Variants in LRRC4C observed in about 807,000 individuals in gnomAD.
LRRC4C encodes leucine rich repeat containing 4C.
In LRRC4C, 5 loss-of-function variants were observed where a neutral mutation model predicts 33.6. That is an observed-to-expected ratio of 0.15 (90% CI 0.08 to 0.31). The LOEUF is 0.31. Ranked by LOEUF, LRRC4C falls within the 10% of genes least tolerant of loss-of-function variation. The pLI, the probability that LRRC4C is intolerant of heterozygous loss-of-function variation, is 1.00. For synonymous variants in LRRC4C, 329 were observed against 302.0 expected, an observed-to-expected ratio of 1.09 and a Z score of -0.93; for missense variants, 560 against 796.7, an observed-to-expected ratio of 0.70 and a Z score of 3.58.
At chr11:40,809,157 A>T (rs1951375727) in intron 2 of LRRC4C, among the ~76,000 whole-genome samples, 1 of 152,128 alleles carries the variant, frequency 6.6e-6, no homozygotes, top group Non-Finnish European at 1.5e-5. Flanking sequence ...TTACAGTAAA[A>T]CTTCTCAAAA....
At chr11:40,653,929 C>T (rs2136167603) in intron 2 of LRRC4C, among the ~76,000 whole-genome samples, 1 of 152,288 alleles carries the variant, frequency 6.6e-6, no homozygotes, top group Admixed American at 6.5e-5. Context: ...TCCAGCTGAA[C>T]ATTTTTAAAT....
intron 1 of LRRC4C, among the ~76,000 whole-genome samples, chr11:40,987,588 TCTA>T (rs1853106999): frequency 6.8e-6 from 1 of 147,862 alleles, no homozygotes; most frequent in African/African-American, 2.5e-5. Flanking sequence ...TAACTGGTCA[TCTA>T]CTGCTGAGAG....
At chr11:40,519,579 C>T (rs139168612) in intron 3 of LRRC4C, among the ~76,000 whole-genome samples, 3 of 152,190 alleles carry the variant, frequency 2.0e-5, no homozygotes, top group African/African-American at 4.8e-5. Flanking sequence ...TTTGTCTTAA[C>T]GGAATGTTGT....
chr11:40,969,567 C>G (rs1007874351), intron 1 of LRRC4C, among the ~76,000 whole-genome samples: 1 of 152,010 alleles, frequency 6.6e-6, no homozygotes, highest in Non-Finnish European at 1.5e-5. Flanking sequence ...ACCTTCAGCA[C>G]TCACCACCCT....
intron 1 of LRRC4C, among the ~76,000 whole-genome samples, chr11:41,204,638 G>A (rs886996058): frequency 3.9e-5 from 6 of 152,088 alleles, no homozygotes; most frequent in Non-Finnish European, 5.9e-5. Flanking sequence ...TTCATTCTGT[G>A]CTTAATCTTT....
At chr11:40,179,146 G>A (rs1023792359) in intron 5 of LRRC4C, among the ~76,000 whole-genome samples, 4 of 151,790 alleles carry the variant, frequency 2.6e-5, no homozygotes, top group Non-Finnish European at 5.9e-5. Flanking sequence ...CTAGAACTGC[G>A]GGTGTGTGCC....
chr11:40,410,338 T>C (rs983598756), intron 3 of LRRC4C, among the ~76,000 whole-genome samples: 3 of 152,120 alleles, frequency 2.0e-5, no homozygotes, highest in African/African-American at 7.2e-5. Flanking sequence ...AAATTATACA[T>C]AAAATATTTT....
intron 2 of LRRC4C, among the ~76,000 whole-genome samples, chr11:40,722,835 T>C (rs944840455): frequency 6.6e-6 from 1 of 152,246 alleles, no homozygotes; most frequent in Admixed American, 6.5e-5. Flanking sequence ...AAGAAAGTTG[T>C]CATTCAATTT....
chr11:41,266,510 CTTTT>C (rs1949157148), intron 1 of LRRC4C, among the ~76,000 whole-genome samples: 2 of 151,950 alleles, frequency 1.3e-5, no homozygotes, highest in Non-Finnish European at 2.9e-5. Context: ...AATTTTGAAA[CTTTT>C]ATTTATTACA....
chr11:40,397,807 T>A (rs1265031804), intron 3 of LRRC4C, among the ~76,000 whole-genome samples: 3 of 152,054 alleles, frequency 2.0e-5, no homozygotes, highest in Admixed American at 6.6e-5. Flanking sequence ...CTTTTCAGAA[T>A]TAAAATTAAA....
At chr11:40,705,255 G>T (rs552774120) in intron 2 of LRRC4C, among the ~76,000 whole-genome samples, 1 of 151,922 alleles carries the variant, frequency 6.6e-6, no homozygotes, top group African/African-American at 2.4e-5. Flanking sequence ...TGTGCACAAC[G>T]TGGAGGTTTG....
At chr11:40,686,044 G>A (rs1187474586) in intron 2 of LRRC4C, among the ~76,000 whole-genome samples, 1 of 151,824 alleles carries the variant, frequency 6.6e-6, no homozygotes, top group Non-Finnish European at 1.5e-5. Context: ...TGGCCCCACA[G>A]CACTTTTTTC....
At chr11:40,793,000 T>C (rs1950687427) in intron 2 of LRRC4C, among the ~76,000 whole-genome samples, 1 of 151,296 alleles carries the variant, frequency 6.6e-6, no homozygotes, top group South Asian at 2.1e-4. Flanking sequence ...GGTCGGGGGA[T>C]GGGGGAAGGA....
chr11:40,526,030 C>T (rs1956034200), intron 3 of LRRC4C, among the ~76,000 whole-genome samples: 2 of 151,698 alleles, frequency 1.3e-5, no homozygotes, highest in Admixed American at 1.3e-4. Flanking sequence ...ATAGGACATC[C>T]ATATGAAAGA....
intron 1 of LRRC4C, among the ~76,000 whole-genome samples, chr11:41,449,473 C>CA (rs1398877160): frequency 3.8e-4 from 57 of 149,422 alleles, no homozygotes; most frequent in Admixed American, 8.0e-4. Context: ...ACATAAGGAG[C>CA]AAAAAAAAAT....
intron 3 of LRRC4C, among the ~76,000 whole-genome samples, chr11:40,425,790 A>G (rs1950690095): frequency 6.6e-6 from 1 of 152,234 alleles, no homozygotes; most frequent in African/African-American, 2.4e-5. Flanking sequence ...GTCAGAAAAA[A>G]TTAAAACAAA....
In LRRC4C at chr11:40,658,058, A is replaced by G. The variant is rs115792712; in HGVS notation, c.-406-9780T>C. ...GTCTTTCCACATACCTGAATCAAAG[A>G]GTCAATATTTTCTAAGAAGCAAAAC... On this transcript the variant is annotated intron_variant, in intron 2 of 6. Transcript: ENST00000528697. 6.3e-3 allele frequency among the ~76,000 whole-genome samples: 960 copies of G among 152,362 alleles called. 14 individuals are homozygous for G. The highest frequency in any genetic ancestry group is 0.021 in the African/African-American group (893 of 41,576).
intron 2 of LRRC4C, among the ~76,000 whole-genome samples, chr11:40,799,978 A>G (rs994543478): frequency 6.6e-6 from 1 of 152,182 alleles, no homozygotes; most frequent in South Asian, 2.1e-4. Context: ...ATTAAAAGAC[A>G]ACATAAATTT....
chr11:41,141,807 G>A (rs945684494), intron 1 of LRRC4C, among the ~76,000 whole-genome samples: 2 of 152,044 alleles, frequency 1.3e-5, no homozygotes, highest in Non-Finnish European at 2.9e-5. Context: ...AACCAATCTC[G>A]GGTTATGTCT....
Sources: allele counts gnomAD v4.1 joint callset (sites outside exome capture counted in the v4.1 genomes callset), GRCh38; gene constraint gnomAD v4.1.1; transcripts MANE v1.5; gene names NCBI Gene and HGNC (gene_info 2026-07-23, HGNC 2026-07-21).